ADAM12: variants seen among roughly 807,000 people sequenced by gnomAD.
ADAM12 encodes disintegrin and metalloproteinase domain-containing protein 12.
A neutral mutation model predicts 106.4 loss-of-function variants in ADAM12; 70 were observed. The observed-to-expected ratio is 0.66, with a 90% CI of 0.54 to 0.80. The LOEUF (loss-of-function observed/expected upper bound fraction) is 0.80, where lower values mean the gene tolerates loss of function less well. ADAM12 is among the 30% of genes least tolerant of loss of function. The pLI is 0.00. For synonymous variants in ADAM12, 420 were observed against 433.5 expected (o/e 0.97, Z 0.39); for missense variants, 1,010 against 1,171.9 (o/e 0.86, Z 2.02).
intron 2 of ADAM12, among the ~76,000 whole-genome samples, chr10:126,288,587 T>TG (rs1332636186): frequency 2.0e-5 from 3 of 151,690 alleles, no homozygotes; most frequent in African/African-American, 7.3e-5. Context: ...TGTGGTGATG[T>TG]GGTGGCCTCA....
intron 3 of ADAM12, among the ~76,000 whole-genome samples, chr10:126,218,704 T>TCAAA (rs1958034359): frequency 1.3e-5 from 2 of 152,176 alleles, no homozygotes; most frequent in South Asian, 4.1e-4. Context: ...GCTTTATCCA[T>TCAAA]GTTCAAAGGA....
chr10:126,136,459 C>A (rs1276003588), intron 4 of ADAM12, among the ~76,000 whole-genome samples: 1 of 152,154 alleles, frequency 6.6e-6, no homozygotes, highest in Non-Finnish European at 1.5e-5. Context: ...GGGTGCAGGT[C>A]TCTGCAGAGA....
At chr10:126,313,187 T>C (rs140389034) in intron 2 of ADAM12, among the ~76,000 whole-genome samples, 1 of 152,338 alleles carries the variant, frequency 6.6e-6, no homozygotes, top group African/African-American at 2.4e-5. Flanking sequence ...CAGCGCTGGC[T>C]GTCGGCTTTC....
intron 3 of ADAM12, chr10:126,273,556 C>A (rs1348170308): frequency 6.6e-6 from 1 of 151,972 alleles, no homozygotes; most frequent in Admixed American, 6.5e-5. Context: ...TTTAAAAGTC[C>A]AATCCCTGGG....
chr10:126,344,487 G>T (rs1855059719), intron 1 of ADAM12, among the ~76,000 whole-genome samples: 1 of 152,168 alleles, frequency 6.6e-6, no homozygotes, highest in East Asian at 1.9e-4. Context: ...TTTGGCTTAG[G>T]ATTGACTTGG....
At chr10:126,157,054 T>A (rs917871562) in intron 3 of ADAM12, among the ~76,000 whole-genome samples, 1 of 152,054 alleles carries the variant, frequency 6.6e-6, no homozygotes, top group Non-Finnish European at 1.5e-5. Context: ...CCTCCACTCT[T>A]GATCCAGAGA....
intron 11 of ADAM12, among the ~76,000 whole-genome samples, chr10:126,080,917 T>C (rs1298246554): frequency 2.6e-5 from 4 of 152,234 alleles, no homozygotes; most frequent in African/African-American, 9.6e-5. Flanking sequence ...TAGGAGCCTA[T>C]TGTGCGTCTC....
intron 1 of ADAM12, among the ~76,000 whole-genome samples, chr10:126,343,734 A>G (rs555583033): frequency 4.3e-4 from 65 of 152,230 alleles, no homozygotes; most frequent in Admixed American, 1.8e-3. Context: ...ACTGGTGTGA[A>G]ATGGTATCTC....
rs1027640227 is a variant in ADAM12 at position 126,228,245 on chromosome 10, T to C, written c.260+50670A>G. On this transcript the variant is annotated intron_variant, in intron 3 of 22. Coordinates refer to ENST00000448723, the MANE Select transcript of ADAM12 (RefSeq NM_001288973.2). ...TACCCCCCAATATGCCAACAAACGA[T>C]TGGTATTAACAAAGGCTTAACACTT... is the stretch of plus-strand genomic sequence containing the variant. Among the ~76,000 whole-genome samples, 20 of 152,158 alleles carry C rather than the reference T, an allele frequency of 1.3e-4. 1 individual carries two copies. The highest frequency in any genetic ancestry group is 2.9e-5 in the Non-Finnish European group (2 of 68,032).
Position 126,066,592 on chromosome 10 carries a change from A to C in ADAM12, c.1413+125T>G. The C allele has an allele frequency of 1.2e-6, 1 of 841,810 alleles. No homozygotes were observed. Among genetic ancestry groups the C allele is most frequent in the Non-Finnish European group, 1.9e-6 (1 of 516,644 alleles). The allele number at this position is 841,810 out of a possible 1,614,324, so 52.1% of individuals were successfully genotyped here. On this transcript the variant is annotated intron_variant, in intron 13 of 22. Coordinates refer to ENST00000448723, the MANE Select transcript of ADAM12 (RefSeq NM_001288973.2). The surrounding 1 kb of genome is among the most constrained non-coding windows in gnomAD (Gnocchi z 5.1). ...GGTAACACCAACTGGCGTGAGAAGG[A>C]GGGATGGTGCGTGCTGTGGTGAGTG...
chr10:126,231,134 T>C (rs149555923), intron 3 of ADAM12, among the ~76,000 whole-genome samples: 2,201 of 152,322 alleles, frequency 0.014, 59 homozygotes, highest in African/African-American at 0.05. Context: ...ACTGTAAATC[T>C]ATATATTCTT....
At chr10:126,086,781 C>A (rs1450411204) in intron 11 of ADAM12, among the ~76,000 whole-genome samples, 1 of 143,880 alleles carries the variant, frequency 7.0e-6, no homozygotes, top group Non-Finnish European at 1.5e-5. Context: ...ACACCTGTAT[C>A]CCAGCACTTT....
In ADAM12 at chr10:126,388,276, CCTCG is replaced by C; in HGVS notation, c.-135_-132del. The C allele has an allele frequency of 8.7e-7, 1 of 1,155,024 alleles. No individual in the cohort carries two copies. Among genetic ancestry groups the C allele is most frequent in the Admixed American group, 4.6e-5 (1 of 21,964 alleles). 71.5% of individuals were successfully genotyped at this position (1,155,024 alleles called of 1,614,324 possible). On this transcript the variant is annotated 5_prime_UTR_variant, in exon 1 of 23. Transcript: ENST00000448723. The surrounding 1 kb of genome is among the most constrained non-coding windows in gnomAD (Gnocchi z 4.4). ...TGCCTCGGCGAGTCAGCTCCGGAGC[CCTCG>C]CGCAGCGCCCGCGCCGCCGCTGAGC...
chr10:126,023,178 G>A (rs1314343389), intron 21 of ADAM12, among the ~76,000 whole-genome samples: 3 of 152,174 alleles, frequency 2.0e-5, no homozygotes, highest in Non-Finnish European at 2.9e-5. Context: ...TGCAAATTCG[G>A]TCTACCTCTA....
chr10:126,138,168 T>C (rs1217254474), intron 4 of ADAM12, among the ~76,000 whole-genome samples: 1 of 152,254 alleles, frequency 6.6e-6, no homozygotes, highest in Non-Finnish European at 1.5e-5. Context: ...GGGGATCTTT[T>C]CATGTGTTTA....
intron 21 of ADAM12, among the ~76,000 whole-genome samples, chr10:126,028,000 A>G (rs956473477): frequency 2.6e-5 from 4 of 152,220 alleles, no homozygotes; most frequent in Non-Finnish European, 5.9e-5. Flanking sequence ...AAGTCTCAGT[A>G]TATAAAATCA....
chr10:126,155,109 T>C, intron 4 of ADAM12, 118 bp downstream of exon 4: 2 of 1,121,754 alleles, frequency 1.8e-6, no homozygotes, highest in Non-Finnish European at 1.3e-6. Context: ...CAGCGCTTCT[T>C]GGGGGGGCCT....
intron 11 of ADAM12, among the ~76,000 whole-genome samples, chr10:126,080,057 C>T (rs901123742): frequency 6.6e-6 from 1 of 152,214 alleles, no homozygotes; most frequent in Non-Finnish European, 1.5e-5. Context: ...GACTAATCCT[C>T]ATACTGCACA....
intron 8 of ADAM12, among the ~76,000 whole-genome samples, chr10:126,102,223 G>C (rs1026064086): frequency 2.0e-5 from 3 of 152,134 alleles, no homozygotes; most frequent in African/African-American, 7.2e-5. Flanking sequence ...ACTCATGGTT[G>C]AGGGGGCTAG....
Sources: gnomAD v4.1 joint callset for allele counts (sites outside exome capture counted in the v4.1 genomes callset) on GRCh38, gnomAD v4.1.1 for gene constraint, Gnocchi (gnomAD v3.1) non-coding constraint, MANE v1.5 for transcripts, NCBI Gene and HGNC (gene_info 2026-07-23, HGNC 2026-07-21) for gene names.